UST: variants seen among roughly 807,000 people sequenced by gnomAD.
The protein encoded by UST is uronyl 2-sulfotransferase.
In UST, 21 loss-of-function variants were observed where a neutral mutation model predicts 45.6. That is an observed-to-expected ratio of 0.46 (90% CI 0.33 to 0.66). The LOEUF is 0.66. Among genes scored for constraint, UST ranks in the 30% least tolerant of loss-of-function variants. UST has a pLI of 0.02. For synonymous variants in UST, 215 were observed against 200.6 expected (o/e 1.07, Z -0.61); for missense variants, 463 against 512.4 (o/e 0.90, Z 0.93).
At position 148,964,385 on chromosome 6, in the gene UST, G is replaced by T. The variant is rs1780736737; in HGVS notation, c.528-25G>T. 6 of 1,613,614 alleles carry T rather than the reference G, an allele frequency of 3.7e-6. No individual in the cohort carries two copies. The East Asian group carries it at 1.3e-4, about 36-fold the overall frequency. On this transcript the variant is annotated intron_variant, in intron 4 of 7. Transcript: ENST00000367463. The stretch of plus-strand genomic sequence containing the variant: ...TGTTTTCGTCCTGCAGTGATGGGTT[G>T]TAACGAACTCAATGTTTGTGTTAGG...
At chr6:149,011,738 G>A (rs1775815037) in intron 5 of UST, among the ~76,000 whole-genome samples, 1 of 152,142 alleles carries the variant, frequency 6.6e-6, no homozygotes. Context: ...CTTGAACCTG[G>A]GAGGCAGAGG....
At chr6:148,871,626 C>G (rs181079026) in intron 1 of UST, among the ~76,000 whole-genome samples, 31 of 152,186 alleles carry the variant, frequency 2.0e-4, no homozygotes, top group African/African-American at 6.3e-4. Flanking sequence ...GTGTAGTAAC[C>G]TTGGTAGGCT....
intron 3 of UST, among the ~76,000 whole-genome samples, chr6:148,946,510 C>CAAAAAAAAAAAAAAAAAAAAAA (rs71007930): frequency 1.5e-4 from 5 of 33,944 alleles, no homozygotes; most frequent in African/African-American, 5.6e-4. Context: ...GACTCCATCT[C>CAAAAAAAAAAAAAAAAAAAAAA]AAAAAAAAAA....
At chr6:148,878,904 T>C (rs982064814) in intron 1 of UST, among the ~76,000 whole-genome samples, 1 of 151,862 alleles carries the variant, frequency 6.6e-6, no homozygotes, top group Non-Finnish European at 1.5e-5. Flanking sequence ...TATCCCCTGG[T>C]GGTTTAAGTC....
intron 1 of UST, among the ~76,000 whole-genome samples, chr6:148,773,838 G>A (rs190792331): frequency 6.6e-6 from 1 of 152,302 alleles, no homozygotes; most frequent in African/African-American, 2.4e-5. Flanking sequence ...CGGGATGGGC[G>A]TTGAGCAGGG....
At chr6:148,776,091 T>A (rs965354622) in intron 1 of UST, among the ~76,000 whole-genome samples, 2 of 152,222 alleles carry the variant, frequency 1.3e-5, no homozygotes, top group African/African-American at 2.4e-5. Flanking sequence ...TTCCAGAGAA[T>A]TGTCCTTATT....
chr6:149,003,904 A>G (rs1427182137), intron 5 of UST, among the ~76,000 whole-genome samples: 4 of 152,178 alleles, frequency 2.6e-5, no homozygotes, highest in Admixed American at 6.5e-5. Context: ...CAGGGCCTCT[A>G]TTCATTCCCA....
chr6:149,006,150 C>T (rs930145936), intron 5 of UST, among the ~76,000 whole-genome samples: 3 of 152,178 alleles, frequency 2.0e-5, no homozygotes, highest in Non-Finnish European at 4.4e-5. Flanking sequence ...CATAGGGAAA[C>T]ATGTGCCATG....
At chr6:148,780,128 TACACAC>T (rs34775441) in intron 1 of UST, among the ~76,000 whole-genome samples, 11 of 149,708 alleles carry the variant, frequency 7.3e-5, no homozygotes, top group East Asian at 3.9e-4. Flanking sequence ...TGTATATATA[TACACAC>T]ACACACACAC....
chr6:148,806,841 C>G (rs1456349027), intron 1 of UST, among the ~76,000 whole-genome samples: 2 of 152,134 alleles, frequency 1.3e-5, no homozygotes, highest in Non-Finnish European at 2.9e-5. Context: ...AGGGAGGGCC[C>G]AGGCTCATCC....
chr6:149,008,322 A>C (rs1281419734), intron 5 of UST, among the ~76,000 whole-genome samples: 1 of 152,216 alleles, frequency 6.6e-6, no homozygotes. Context: ...GATGTTTGCC[A>C]TTAAGTTTTC....
chr6:148,895,152 A>G (rs1191338493), intron 2 of UST, among the ~76,000 whole-genome samples: 2 of 151,898 alleles, frequency 1.3e-5, no homozygotes, highest in East Asian at 3.9e-4. Context: ...CCAACCTTCC[A>G]TACCACTCAG....
At chr6:148,872,604 A>G (rs554008994) in intron 1 of UST, among the ~76,000 whole-genome samples, 9 of 151,832 alleles carry the variant, frequency 5.9e-5, no homozygotes, top group East Asian at 1.9e-4. Context: ...ACAAATTACT[A>G]TAAATGTAGT....
At chr6:148,935,554 A>G (rs1780008272) in intron 2 of UST, among the ~76,000 whole-genome samples, 1 of 152,204 alleles carries the variant, frequency 6.6e-6, no homozygotes, top group Non-Finnish European at 1.5e-5. Flanking sequence ...GAGGTCTTTA[A>G]AAGTCTTTTC....
intron 7 of UST, among the ~76,000 whole-genome samples, chr6:149,063,236 T>C (rs1444838976): frequency 6.6e-6 from 1 of 152,228 alleles, no homozygotes; most frequent in East Asian, 1.9e-4. Context: ...GTTCTTTAAA[T>C]AGAAAGCTCA....
intron 1 of UST, among the ~76,000 whole-genome samples, chr6:148,782,063 C>T (rs1776653782): frequency 6.6e-6 from 1 of 152,226 alleles, no homozygotes; most frequent in African/African-American, 2.4e-5. Flanking sequence ...TTTTGACTTT[C>T]ATATCCTTTT....
chr6:149,065,299 A>G (rs1023882705), intron 7 of UST, among the ~76,000 whole-genome samples: 1 of 152,238 alleles, frequency 6.6e-6, no homozygotes, highest in African/African-American at 2.4e-5. Flanking sequence ...GGCTGATTCC[A>G]TAGTCCATGT....
intron 5 of UST, among the ~76,000 whole-genome samples, chr6:148,978,886 G>C (rs762806622): frequency 6.6e-6 from 1 of 152,046 alleles, no homozygotes; most frequent in Non-Finnish European, 1.5e-5. Context: ...GATAATTGAA[G>C]TAAAAGTTAA....
At chr6:148,835,905 G>T (rs545594346) in intron 1 of UST, among the ~76,000 whole-genome samples, 132 of 152,128 alleles carry the variant, frequency 8.7e-4, no homozygotes, top group Non-Finnish European at 1.6e-3. Flanking sequence ...TTAAAGATGG[G>T]TATGTGTTTT....
Sources: gnomAD v4.1 joint callset for allele counts (sites outside exome capture counted in the v4.1 genomes callset) on GRCh38, gnomAD v4.1.1 for gene constraint, MANE v1.5 for transcripts, NCBI Gene and HGNC (gene_info 2026-07-23, HGNC 2026-07-21) for gene names.